Variants in TCF20 observed in about 807,000 individuals in gnomAD.
TCF20 encodes transcription factor 20.
A neutral mutation model predicts 148.6 loss-of-function variants in TCF20; 3 were observed. That is an observed-to-expected ratio of 0.02 (90% CI 0.01 to 0.05). The LOEUF is 0.05. TCF20 is among the 10% of genes least tolerant of loss of function. The probability of loss-of-function intolerance (pLI) is 1.00; values close to 1 mark genes in which losing one functional copy is unlikely to be tolerated. For synonymous variants in TCF20, 1,049 were observed against 909.5 expected, an observed-to-expected ratio of 1.15 and a Z score of -2.76; for missense variants, 2,350 against 2,429.3, an observed-to-expected ratio of 0.97 and a Z score of 0.69.
chr22:42,259,980 T>C (rs1299937358), intron 1 of TCF20, among the ~76,000 whole-genome samples: 1 of 152,200 alleles, frequency 6.6e-6, no homozygotes, highest in Non-Finnish European at 1.5e-5. Context: ...AATTTAAAAA[T>C]GTTTTAAAGA....
rs1491280192 is a variant in TCF20, at chr22:42,242,227, A to AAAAAAAAAAAAAAAAAAAAAAAAAAAAAT, written c.-36-26887_-36-26886insATTTTTTTTTTTTTTTTTTTTTTTTTTTT. Among the ~76,000 whole-genome samples, 61 of 122,728 alleles carry AAAAAAAAAAAAAAAAAAAAAAAAAAAAAT rather than the reference A, an allele frequency of 5.0e-4. 7 individuals are homozygous for AAAAAAAAAAAAAAAAAAAAAAAAAAAAAT. The highest frequency in any genetic ancestry group is 7.6e-4 in the Non-Finnish European group (44 of 57,882). 80.5% of individuals were successfully genotyped at this position (122,728 alleles called of 152,430 possible). A position where few individuals can be genotyped will look rare whatever the true frequency, so the allele number is the denominator to read the frequency against. On this transcript the variant is annotated intron_variant, in intron 1 of 5. Transcript: ENST00000677622. ...CAAAAAAAAAAAAAAAAAAAAAAAAACAGAAAAGAAAGGGTGACTACAAGG... is the reference window on the plus strand; with the variant it reads ...CAAAAAAAAAAAAAAAAAAAAAAAAAAAAAAAAAAAAAAAAAAAAAAAAAAAAATCAGAAAAGAAAGGGTGACTACAAGG...
intron 1 of TCF20, among the ~76,000 whole-genome samples, chr22:42,320,968 C>T (rs902696167): frequency 2.0e-5 from 3 of 152,188 alleles, no homozygotes; most frequent in African/African-American, 7.2e-5. Flanking sequence ...CCACCACCGC[C>T]CAGTAATGTA....
upstream of TCF20, among the ~76,000 whole-genome samples, chr22:42,271,016 C>T (rs555031055): frequency 4.1e-4 from 63 of 152,210 alleles, no homozygotes; most frequent in African/African-American, 1.5e-3. Context: ...CTGGAGTTCC[C>T]TGGAGCCTCC....
chr22:42,198,294 G>A (rs953426914), intron 2 of TCF20, among the ~76,000 whole-genome samples: 1 of 152,186 alleles, frequency 6.6e-6, no homozygotes, highest in African/African-American at 2.4e-5. Context: ...AATCTCACCT[G>A]GAGTGTGATG....
intron 1 of TCF20, among the ~76,000 whole-genome samples, chr22:42,311,091 G>A (rs1927527515): frequency 6.6e-6 from 1 of 152,182 alleles, no homozygotes; most frequent in South Asian, 2.1e-4. Flanking sequence ...GTGCACACGA[G>A]TGCAGGAATC....
At chr22:42,312,345 G>A (rs912771080) in intron 1 of TCF20, among the ~76,000 whole-genome samples, 1 of 152,178 alleles carries the variant, frequency 6.6e-6, no homozygotes, top group African/African-American at 2.4e-5. Context: ...AGCAGCTGCT[G>A]AGAATGAGAT....
intron 1 of TCF20, among the ~76,000 whole-genome samples, chr22:42,242,635 C>T (rs1013443722): frequency 6.6e-6 from 1 of 152,028 alleles, no homozygotes; most frequent in South Asian, 2.1e-4. Flanking sequence ...ACCTATAATC[C>T]CAGCACTTTG....
chr22:42,267,649 C>T (rs941886269), intron 1 of TCF20, among the ~76,000 whole-genome samples: 49 of 152,100 alleles, frequency 3.2e-4, no homozygotes, highest in African/African-American at 1.2e-3. Flanking sequence ...TACAGTGGGC[C>T]GAGATAGTGC....
chr22:42,254,682 G>A (rs1347553548), intron 1 of TCF20, among the ~76,000 whole-genome samples: 1 of 152,112 alleles, frequency 6.6e-6, no homozygotes, highest in Admixed American at 6.6e-5. Context: ...TTGACATCAG[G>A]AAACTTCCAT....
At chr22:42,327,078 C>T (rs779630916) in intron 1 of TCF20, among the ~76,000 whole-genome samples, 13 of 152,188 alleles carry the variant, frequency 8.5e-5, no homozygotes, top group Non-Finnish European at 1.9e-4. Context: ...CTCTAACCCT[C>T]GCGGCAACGA....
intron 1 of TCF20, among the ~76,000 whole-genome samples, chr22:42,246,287 TAG>T (rs1400193156): frequency 1.3e-5 from 2 of 152,154 alleles, no homozygotes; most frequent in African/African-American, 4.8e-5. Context: ...GTATTTTTGG[TAG>T]AGACAGGGTT....
chr22:42,298,275 G>C (rs1927270703), intron 1 of TCF20, among the ~76,000 whole-genome samples: 1 of 152,234 alleles, frequency 6.6e-6, no homozygotes, highest in African/African-American at 2.4e-5. Context: ...GGCAGGGTTT[G>C]ACATCAGCGG....
At chr22:42,177,517 A>C (rs1936522752) in intron 3 of TCF20, among the ~76,000 whole-genome samples, 1 of 152,212 alleles carries the variant, frequency 6.6e-6, no homozygotes, top group African/African-American at 2.4e-5. Context: ...AAAAGTCTAG[A>C]GTAAGAAAGG....
At chr22:42,340,693 C>A (rs1461217750) in intron 1 of TCF20, among the ~76,000 whole-genome samples, 2 of 152,192 alleles carry the variant, frequency 1.3e-5, no homozygotes, top group Admixed American at 1.3e-4. Context: ...CATTCAGGTG[C>A]AGAGCAGTAG....
At chr22:42,265,164 C>T (rs1926217027) in intron 1 of TCF20, among the ~76,000 whole-genome samples, 1 of 152,198 alleles carries the variant, frequency 6.6e-6, no homozygotes, top group South Asian at 2.1e-4. Context: ...GTGTTTGTCG[C>T]CATGAGAACC....
intron 1 of TCF20, among the ~76,000 whole-genome samples, chr22:42,242,942 A>G (rs1188704338): frequency 6.6e-6 from 1 of 152,050 alleles, no homozygotes; most frequent in Non-Finnish European, 1.5e-5. Context: ...AGTGAAAGAC[A>G]TGAATCTGAA....
chr22:42,248,782 C>T (rs1925125502), intron 1 of TCF20, among the ~76,000 whole-genome samples: 1 of 152,200 alleles, frequency 6.6e-6, no homozygotes, highest in Non-Finnish European at 1.5e-5. Context: ...ACAATAGTTA[C>T]ACCATGCTAG....
intron 3 of TCF20, among the ~76,000 whole-genome samples, chr22:42,176,796 T>TC: frequency 6.6e-6 from 1 of 152,158 alleles, no homozygotes; most frequent in South Asian, 2.1e-4. Context: ...AAAAAGCTGA[T>TC]CTTACGGAAG....
intron 3 of TCF20, among the ~76,000 whole-genome samples, chr22:42,171,937 A>T (rs1219611974): frequency 1.3e-5 from 2 of 152,256 alleles, no homozygotes; most frequent in African/African-American, 4.8e-5. Context: ...ACGGCCACAG[A>T]ACAGTGACCA....
Sources: gnomAD v4.1 joint callset for allele counts (sites outside exome capture counted in the v4.1 genomes callset) on GRCh38, gnomAD v4.1.1 for gene constraint, MANE v1.5 for transcripts, NCBI Gene and HGNC (gene_info 2026-07-23, HGNC 2026-07-21) for gene names.